NCS1: variants seen among roughly 807,000 people sequenced by gnomAD.
The protein encoded by NCS1 is frequenin homolog.
A neutral mutation model predicts 28.4 loss-of-function variants in NCS1; 6 were observed. That is an observed-to-expected ratio of 0.21 (90% CI 0.12 to 0.42). The LOEUF (loss-of-function observed/expected upper bound fraction) is 0.42, where lower values mean the gene tolerates loss of function less well. Ranked by LOEUF, NCS1 falls within the 10% of genes least tolerant of loss-of-function variation. NCS1 has a pLI of 1.00. For missense variants in NCS1, 131 were observed against 241.4 expected, an observed-to-expected ratio of 0.54 and a Z score of 3.03; for synonymous variants, 86 against 99.3, an observed-to-expected ratio of 0.87 and a Z score of 0.79.
intron 1 of NCS1, among the ~76,000 whole-genome samples, chr9:130,190,737 C>G (rs567453980): frequency 3.1e-4 from 47 of 152,220 alleles, no homozygotes; most frequent in Non-Finnish European, 5.0e-4. Context: ...TGAGCCTGGA[C>G]TCTGGAGTCG....
At chr9:130,229,095 A>G (rs782696755) in intron 7 of NCS1, among the ~76,000 whole-genome samples, 6 of 152,176 alleles carry the variant, frequency 3.9e-5, no homozygotes, top group Non-Finnish European at 8.8e-5. Context: ...TTATTTTAAA[A>G]AAAACCCCTT....
At chr9:130,212,943 C>T (rs1346571450) in intron 2 of NCS1, among the ~76,000 whole-genome samples, 2 of 152,096 alleles carry the variant, frequency 1.3e-5, no homozygotes, top group African/African-American at 4.8e-5. Context: ...TGGTAGAGGC[C>T]TGGGGGTGGC....
intron 1 of NCS1, among the ~76,000 whole-genome samples, chr9:130,176,194 CT>C (rs35934993): frequency 1.6e-4 from 8 of 50,132 alleles, no homozygotes; most frequent in Non-Finnish European, 2.5e-4. Context: ...TTCTTTCTTT[CT>C]TTTTTTTTTT....
intron 2 of NCS1, among the ~76,000 whole-genome samples, chr9:130,203,742 G>T (rs1232657972): frequency 6.6e-6 from 1 of 152,164 alleles, no homozygotes; most frequent in African/African-American, 2.4e-5. Flanking sequence ...CCCAAGCACC[G>T]CTGTGAGCCA....
intron 3 of NCS1, among the ~76,000 whole-genome samples, chr9:130,218,345 T>G (rs1554909691): frequency 6.6e-6 from 1 of 152,226 alleles, no homozygotes; most frequent in African/African-American, 2.4e-5. Context: ...TGTATATTCA[T>G]ACAGTGCACA....
chr9:130,200,660 C>A (rs978592499), intron 1 of NCS1: 8 of 1,551,760 alleles, frequency 5.2e-6, no homozygotes, highest in Non-Finnish European at 7.0e-6. Flanking sequence ...GAGAAGCAAA[C>A]CCTTGAGTGC....
intron 1 of NCS1, among the ~76,000 whole-genome samples, chr9:130,198,053 C>A (rs970942492): frequency 9.9e-5 from 15 of 151,954 alleles, no homozygotes; most frequent in African/African-American, 3.6e-4. Context: ...CAGGGGATAC[C>A]TGCCAGCCTC....
At chr9:130,231,222 G>A (rs1564716473) in intron 7 of NCS1, among the ~76,000 whole-genome samples, 1 of 151,942 alleles carries the variant, frequency 6.6e-6, no homozygotes, top group Non-Finnish European at 1.5e-5. Flanking sequence ...GTGGTGGCGG[G>A]TGCCTGTAGT....
chr9:130,180,803 A>G lies in NCS1; in HGVS notation c.64+8076A>G, dbSNP rs3780712. ...CCGTTCTTGGCCACTCCCCTGGGCA[A>G]TCACAGAGTGAGCTGTCACAGGCTC... On this transcript the variant is annotated intron_variant, in intron 1 of 7. Coordinates refer to ENST00000372398, the MANE Select transcript of NCS1 (RefSeq NM_014286.4). This position sits in a 1 kb window ranked among gnomAD's most constrained non-coding sequence, Gnocchi z 4.5. Among the ~76,000 whole-genome samples, 53,786 of 152,110 alleles carry G rather than the reference A, an allele frequency of 0.35. 12,422 individuals are homozygous for G. The highest frequency in any genetic ancestry group is 0.66 in the East Asian group (3,383 of 5,164).
At chr9:130,196,174 A>C (rs1273892766) in intron 1 of NCS1, among the ~76,000 whole-genome samples, 2 of 152,194 alleles carry the variant, frequency 1.3e-5, no homozygotes, top group African/African-American at 4.8e-5. Context: ...GACCTTGGGC[A>C]GGACCCCCCA....
chr9:130,185,065 T>G (rs562285187), intron 1 of NCS1, among the ~76,000 whole-genome samples: 1 of 151,830 alleles, frequency 6.6e-6, no homozygotes, highest in Non-Finnish European at 1.5e-5. Context: ...AGCCCTCTGC[T>G]TCCTCCCACT....
chr9:130,194,523 CT>C (rs1489664569), intron 1 of NCS1, among the ~76,000 whole-genome samples: 9 of 152,302 alleles, frequency 5.9e-5, no homozygotes, highest in South Asian at 2.1e-4. Context: ...CCAGCCCCCC[CT>C]CTCCCAGGGC....
rs199793742 is a variant in NCS1 at position 130,222,755 on chromosome 9, C to T, written c.396+17C>T. On this transcript the variant is annotated intron_variant, in intron 5 of 7. Coordinates refer to ENST00000372398, the MANE Select transcript of NCS1 (RefSeq NM_014286.4). ...CAGATGGTGGTGAGAAGCCGGGTCT[C>T]GTGTGGTTAGGGGTGGCAGGAGGGG... 50 of 1,613,010 alleles carry T rather than the reference C, an allele frequency of 3.1e-5. No individual in the cohort carries two copies. The highest frequency in any genetic ancestry group is 1.3e-4 in the Admixed American group (8 of 59,988).
At chr9:130,225,386 A>G (rs1420175190) in intron 6 of NCS1, among the ~76,000 whole-genome samples, 1 of 152,260 alleles carries the variant, frequency 6.6e-6, no homozygotes, top group African/African-American at 2.4e-5. Flanking sequence ...GCGTCTTGGT[A>G]ATGATCAAAA....
chr9:130,176,647 G>A (rs1554904681), intron 1 of NCS1, among the ~76,000 whole-genome samples: 1 of 152,196 alleles, frequency 6.6e-6, no homozygotes, highest in African/African-American at 2.4e-5. Context: ...TGACTGCTGT[G>A]CCTGAATCCC....
intron 2 of NCS1, among the ~76,000 whole-genome samples, chr9:130,207,724 G>A (rs1554908279): frequency 6.6e-6 from 1 of 152,374 alleles, no homozygotes; most frequent in Non-Finnish European, 1.5e-5. Flanking sequence ...ACGGCAATAG[G>A]AGGCCCGGGC....
chr9:130,211,514 C>T lies in NCS1; in HGVS notation c.90-6318C>T, dbSNP rs2131144835. Among the ~76,000 whole-genome samples, 2 of 151,638 alleles carry T rather than the reference C, an allele frequency of 1.3e-5. 1 individual carries two copies. Among genetic ancestry groups the T allele is most frequent in the Non-Finnish European group, 2.9e-5 (2 of 67,966 alleles). Reference sequence around the variant, plus strand: ...ATGATGCTGGGACTCCTGTCCCTTCCACTGTGGGTCTGGAATCAAGCAGAA... The same window carrying T: ...ATGATGCTGGGACTCCTGTCCCTTCTACTGTGGGTCTGGAATCAAGCAGAA... On this transcript the variant is annotated intron_variant, in intron 2 of 7. Coordinates refer to ENST00000372398, the MANE Select transcript of NCS1 (RefSeq NM_014286.4).
chr9:130,227,060 A>G (rs1416515386), intron 7 of NCS1, among the ~76,000 whole-genome samples: 1 of 151,646 alleles, frequency 6.6e-6, no homozygotes. Flanking sequence ...AAAAAAAAAG[A>G]AAAGAATTGT....
chr9:130,205,034 G>T (rs1035526189), intron 2 of NCS1, among the ~76,000 whole-genome samples: 1 of 152,104 alleles, frequency 6.6e-6, no homozygotes, highest in Non-Finnish European at 1.5e-5. Context: ...ACAAAGCGGG[G>T]TCACTGTGGG....
Sources: gnomAD v4.1 joint callset for allele counts (sites outside exome capture counted in the v4.1 genomes callset) on GRCh38, gnomAD v4.1.1 for gene constraint, Gnocchi (gnomAD v3.1) non-coding constraint, MANE v1.5 for transcripts, NCBI Gene and HGNC (gene_info 2026-07-23, HGNC 2026-07-21) for gene names.